The following KHDC1 variants were observed in gnomAD, a reference collection of about 807,000 sequenced individuals.
KHDC1 encodes KH domain containing 1.
A neutral mutation model predicts 24.7 loss-of-function variants in KHDC1; 21 were observed. The observed-to-expected ratio is 0.85, with a 90% CI of 0.60 to 1.23. The LOEUF is 1.23. Among genes scored for constraint, KHDC1 ranks in the 50% most tolerant of loss-of-function variants. The pLI, the probability that KHDC1 is intolerant of heterozygous loss-of-function variation, is 0.00. For missense variants in KHDC1, 274 were observed against 298.5 expected (o/e 0.92, Z 0.61); for synonymous variants, 98 against 111.7 (o/e 0.88, Z 0.77).
intron 2 of KHDC1, among the ~76,000 whole-genome samples, chr6:73,282,806 A>T (rs533915197): frequency 1.4e-4 from 21 of 152,218 alleles, no homozygotes; most frequent in African/African-American, 5.1e-4. Context: ...GACCTAACCA[A>T]TCAACACTCG....
chr6:73,282,301 A>G (rs1391126641), intron 2 of KHDC1, among the ~76,000 whole-genome samples: 4 of 151,874 alleles, frequency 2.6e-5, no homozygotes, highest in Non-Finnish European at 4.4e-5. Context: ...TTTGAGGAGG[A>G]AGACCATAAA....
chr6:73,242,783 AT>A (rs1157398363), intron 2 of KHDC1, among the ~76,000 whole-genome samples: 2 of 152,006 alleles, frequency 1.3e-5, no homozygotes, highest in African/African-American at 4.8e-5. Flanking sequence ...CGGAATCAAA[AT>A]TTTTTCTTCA....
rs548808754 is a variant in KHDC1 at position 73,247,750 on chromosome 6, G to A, written c.207-5220C>T. Among the ~76,000 whole-genome samples, 11 of 151,930 alleles carry A rather than the reference G, an allele frequency of 7.2e-5. No homozygotes were observed. In the South Asian group the frequency reaches 1.7e-3, roughly 23 times the overall value. On this transcript the variant is annotated intron_variant, in intron 2 of 4. Coordinates refer to ENST00000370384, the Ensembl canonical transcript of KHDC1. ...CACGCATCTGTAATCTCAGCTACTC[G>A]GGAGGCTGAGGTAGGAGAATGGCTT...
At chr6:73,272,766 A>G in intron 2 of KHDC1, among the ~76,000 whole-genome samples, 1 of 146,830 alleles carries the variant, frequency 6.8e-6, no homozygotes, top group East Asian at 2.1e-4. Context: ...ACAGAGCAAG[A>G]CTCCATCCCG....
intron 2 of KHDC1, chr6:73,263,073 G>T: frequency 2.7e-6 from 1 of 368,626 alleles, no homozygotes; most frequent in Non-Finnish European, 3.7e-6. Flanking sequence ...CGGCGGCAGC[G>T]GCGGCAGCGG....
chr6:73,267,782 G>T (rs1015628991), intron 2 of KHDC1, among the ~76,000 whole-genome samples: 1 of 152,024 alleles, frequency 6.6e-6, no homozygotes. Context: ...AAGAATTGAT[G>T]AGCAGATGAA....
At chr6:73,244,254 A>C (rs1231268428) in intron 2 of KHDC1, among the ~76,000 whole-genome samples, 1 of 152,228 alleles carries the variant, frequency 6.6e-6, no homozygotes, top group Admixed American at 6.5e-5. Context: ...TTTCGCACAA[A>C]CTGAAAGGGG....
chr6:73,288,260 T>G (rs1767558498), intron 2 of KHDC1, among the ~76,000 whole-genome samples: 1 of 152,150 alleles, frequency 6.6e-6, no homozygotes, highest in South Asian at 2.1e-4. Context: ...ACCTTTGATA[T>G]GAGATATGCA....
At chr6:73,260,155 T>G (rs980605082) in intron 2 of KHDC1, among the ~76,000 whole-genome samples, 7 of 152,212 alleles carry the variant, frequency 4.6e-5, no homozygotes, top group Non-Finnish European at 1.0e-4. Flanking sequence ...GCCTTCAAAT[T>G]GGGGTATACC....
intron 2 of KHDC1, among the ~76,000 whole-genome samples, chr6:73,264,521 C>G (rs1223284884): frequency 2.6e-5 from 4 of 152,176 alleles, no homozygotes; most frequent in Admixed American, 2.6e-4. Context: ...AACCCAGGAC[C>G]TGTGAGCAGG....
intron 2 of KHDC1, among the ~76,000 whole-genome samples, chr6:73,287,387 G>A (rs1339656065): frequency 6.6e-6 from 1 of 152,170 alleles, no homozygotes. Flanking sequence ...ACTACTAGAG[G>A]GTTATTAAAT....
At position 73,304,582 on chromosome 6, in the gene KHDC1, G is replaced by T. The variant is rs143180302; in HGVS notation, c.163+4970C>A. ...CTCCCAAAGTACTAGGATGACAGGC[G>T]TGAGCCACTGCGCCAGCCACTTTTG... On this transcript the variant is annotated intron_variant, in intron 1 of 4. Coordinates refer to ENST00000370384, the Ensembl canonical transcript of KHDC1. 2.8e-4 allele frequency among the ~76,000 whole-genome samples: 42 copies of T among 152,226 alleles called. 1 individual carries two copies. In the East Asian group the frequency reaches 5.8e-3, roughly 21 times the overall value.
intron 2 of KHDC1, among the ~76,000 whole-genome samples, chr6:73,286,359 C>G (rs563845678): frequency 6.6e-6 from 1 of 152,276 alleles, no homozygotes; most frequent in African/African-American, 2.4e-5. Flanking sequence ...TTGAGGACTT[C>G]TTTTCTTGAA....
At chr6:73,287,319 A>G (rs1168145398) in intron 2 of KHDC1, among the ~76,000 whole-genome samples, 1 of 152,202 alleles carries the variant, frequency 6.6e-6, no homozygotes, top group Non-Finnish European at 1.5e-5. Context: ...TAACCCTCAG[A>G]TGCCAGAAAG....
chr6:73,273,509 A>C (rs1307906885), intron 2 of KHDC1, among the ~76,000 whole-genome samples: 1 of 151,878 alleles, frequency 6.6e-6, no homozygotes, highest in African/African-American at 2.4e-5. Flanking sequence ...TATTCATTTT[A>C]AAATAATAGT....
At chr6:73,265,563 T>G (rs1043989953) in intron 2 of KHDC1, among the ~76,000 whole-genome samples, 1 of 144,844 alleles carries the variant, frequency 6.9e-6, no homozygotes, top group African/African-American at 2.5e-5. Context: ...GTAACGTGAC[T>G]GGTCACTGTG....
intron 2 of KHDC1, among the ~76,000 whole-genome samples, chr6:73,284,897 T>G (rs1767491412): frequency 6.6e-6 from 1 of 152,154 alleles, no homozygotes; most frequent in East Asian, 1.9e-4. Flanking sequence ...CAGGCTGGAA[T>G]GCAGTGGCGC....
At chr6:73,252,654 T>TAA (rs767494906) in intron 2 of KHDC1, among the ~76,000 whole-genome samples, 1 of 141,796 alleles carries the variant, frequency 7.1e-6, no homozygotes. Context: ...CTTCAAAAGA[T>TAA]AAAAAAAAAA....
chr6:73,276,401 C>G (rs188204941), intron 2 of KHDC1: 22 of 152,046 alleles, frequency 1.4e-4, no homozygotes, highest in African/African-American at 5.3e-4. Context: ...GCAGGAGAAT[C>G]GCTTGAACCC....
Sources: allele counts gnomAD v4.1 joint callset (sites outside exome capture counted in the v4.1 genomes callset), GRCh38; gene constraint gnomAD v4.1.1; transcripts MANE v1.5; gene names NCBI Gene and HGNC (gene_info 2026-07-23, HGNC 2026-07-21).